The following WDHD1 variants were observed in gnomAD, a reference collection of about 807,000 sequenced individuals.
WDHD1 encodes the protein WD repeat and HMG-box DNA-binding protein 1.
WDHD1 carries 111 observed loss-of-function variants against 135.4 expected under a neutral mutation model. The ratio of observed to expected loss-of-function variants is 0.82; its 90% CI spans 0.70 to 0.96. WDHD1 has a LOEUF of 0.96. Ranked by LOEUF, WDHD1 falls within the 40% of genes least tolerant of loss-of-function variation. The probability of loss-of-function intolerance (pLI) is 0.00; values close to 1 mark genes in which losing one functional copy is unlikely to be tolerated. For missense variants in WDHD1, 1,351 were observed against 1,336.3 expected (o/e 1.01, Z -0.17); for synonymous variants, 434 against 439.0 (o/e 0.99, Z 0.14).
chr14:54,948,731 G>C (rs1366820215), intron 24 of WDHD1, among the ~76,000 whole-genome samples: 5 of 152,198 alleles, frequency 3.3e-5, no homozygotes, highest in Non-Finnish European at 7.3e-5. Flanking sequence ...TGATCCACAA[G>C]TAGCCTAACT....
At chr14:54,957,448 A>G in intron 22 of WDHD1, 144 bp downstream of exon 22, 11 of 854,884 alleles carry the variant, frequency 1.3e-5, no homozygotes, top group Non-Finnish European at 1.8e-5. Flanking sequence ...GACAACTCTC[A>G]GCCCAAGTGC....
intron 24 of WDHD1, among the ~76,000 whole-genome samples, chr14:54,949,586 C>T (rs892912613): frequency 2.0e-5 from 3 of 152,268 alleles, no homozygotes; most frequent in Middle Eastern, 3.4e-3. Flanking sequence ...CTGCAGGATA[C>T]TATCCAGGAG....
chr14:54,956,240 C>T (rs1443375196), intron 23 of WDHD1, among the ~76,000 whole-genome samples: 1 of 152,028 alleles, frequency 6.6e-6, no homozygotes, highest in Non-Finnish European at 1.5e-5. Flanking sequence ...TACGAATATA[C>T]ATCAGAACTA....
chr14:54,962,584 T>C (rs1566713434), intron 20 of WDHD1, 33 bp from the exon 21 acceptor site: 10 of 1,572,378 alleles, frequency 6.4e-6, no homozygotes, highest in Non-Finnish European at 7.8e-6. Flanking sequence ...ATAATGTAAA[T>C]GGGGAAAATA....
chr14:54,959,982 C>G (rs2041224694), intron 21 of WDHD1, among the ~76,000 whole-genome samples: 1 of 152,156 alleles, frequency 6.6e-6, no homozygotes, highest in Non-Finnish European at 1.5e-5. Flanking sequence ...CTTCAAGATT[C>G]AAATGTGCTT....
chr14:54,946,110 G>A (rs1316672747), intron 24 of WDHD1, among the ~76,000 whole-genome samples: 1 of 152,092 alleles, frequency 6.6e-6, no homozygotes, highest in Non-Finnish European at 1.5e-5. Flanking sequence ...AATTAATGAA[G>A]ACCCATTTTA....
intron 25 of WDHD1, among the ~76,000 whole-genome samples, chr14:54,942,404 T>C (rs2040854610): frequency 6.6e-6 from 1 of 152,168 alleles, no homozygotes; most frequent in Non-Finnish European, 1.5e-5. Context: ...TGCAAAACTA[T>C]AGCCCAACAA....
chr14:55,020,397 C>A (rs1247360495), intron 2 of WDHD1, among the ~76,000 whole-genome samples: 1 of 152,156 alleles, frequency 6.6e-6, no homozygotes, highest in Non-Finnish European at 1.5e-5. Context: ...ATTTCCTGTT[C>A]CTCAAACACT....
intron 6 of WDHD1, 51 bp downstream of exon 6, chr14:55,008,265 A>G (rs1275110387): frequency 1.9e-6 from 3 of 1,568,190 alleles, no homozygotes; most frequent in African/African-American, 1.4e-5. Flanking sequence ...ACATATAACA[A>G]TTTATTACAG....
chr14:54,957,473 T>G, intron 22 of WDHD1, 119 bp downstream of exon 22: 3 of 976,370 alleles, frequency 3.1e-6, no homozygotes, highest in Non-Finnish European at 4.5e-6. Context: ...TTCTTCTGTT[T>G]CCACACAGAT....
In WDHD1 at chr14:54,944,434, A is replaced by G. The variant is rs114259726; in HGVS notation, c.3087T>C (p.Asn1029=). The G allele has an allele frequency of 5.0e-3, 7,962 of 1,605,658 alleles. 40 individuals carry two copies. Among genetic ancestry groups the G allele is most frequent in the African/African-American group, 0.027 (2,014 of 74,404 alleles). The change falls in exon 25 of 26, where the codon AAT becomes AAC. Residue 1029 remains asparagine (N), a synonymous_variant. Transcript: ENST00000360586. ...GATTGTCAGACAAAATATTACTTCT[A>G]TTTTCTTCTAACCACATCTGGAACC... is the stretch of plus-strand genomic sequence containing the variant. ...KTGFQMWLEE[N]RSNILSDNPD...
chr14:54,970,304 T>C (rs2041410153), intron 16 of WDHD1, among the ~76,000 whole-genome samples: 1 of 152,126 alleles, frequency 6.6e-6, no homozygotes. Flanking sequence ...TAAAAGACTT[T>C]GGTAAAGTTT....
At position 54,979,238 on chromosome 14, in the gene WDHD1, A is replaced by G. The variant is rs551865183; in HGVS notation, c.2063+2302T>C. Among the ~76,000 whole-genome samples, 5 of 152,144 alleles carry G rather than the reference A, an allele frequency of 3.3e-5. No homozygotes were observed. In the East Asian group the frequency reaches 7.7e-4, roughly 23 times the overall value. On this transcript the variant is annotated intron_variant, in intron 16 of 25. Coordinates refer to ENST00000360586, the MANE Select transcript of WDHD1 (RefSeq NM_007086.4). Reference sequence around the variant, plus strand: ...GTGATCATGACTCACTGTAACCTCAACCTCCTGGGCTCAAGTGATCCTCCC... The same window carrying G: ...GTGATCATGACTCACTGTAACCTCAGCCTCCTGGGCTCAAGTGATCCTCCC...
At chr14:54,957,905 G>A (rs961527938) in intron 21 of WDHD1, among the ~76,000 whole-genome samples, 2 of 152,144 alleles carry the variant, frequency 1.3e-5, no homozygotes, top group African/African-American at 2.4e-5. Context: ...GTGGCAGCTC[G>A]TCTGAGCTAA....
chr14:55,008,090 T>C (rs992929784), intron 6 of WDHD1, among the ~76,000 whole-genome samples: 2 of 152,322 alleles, frequency 1.3e-5, no homozygotes, highest in African/African-American at 4.8e-5. Context: ...AAAAGTTAAA[T>C]ATAAGATTAT....
At position 55,008,357 on chromosome 14, in the gene WDHD1, T is replaced by C. The variant is rs755988473; in HGVS notation, c.463A>G (p.Ser155Gly). ...DPKDIFLASA[S>G]CDGSVRVWQI... The stretch of plus-strand genomic sequence containing the variant: ...CACACTCTGACAGATCCATCACAAC[T>C]AGCTGATGCCTGCAGGAATAAACAA... The change falls in exon 6 of 26, where the codon AGT becomes GGT. Residue 155 changes from serine (S) to glycine (G), a missense_variant. By Grantham distance (56) the Ser-to-Gly change is moderately conservative. Coordinates refer to ENST00000360586, the MANE Select transcript of WDHD1 (RefSeq NM_007086.4). The C allele has an allele frequency of 1.6e-5, 26 of 1,613,580 alleles. No homozygotes were observed. Among genetic ancestry groups the C allele is most frequent in the South Asian group, 7.7e-5 (7 of 91,004 alleles).
Position 54,962,730 on chromosome 14 carries a change from T to C in WDHD1, c.2647+8A>G. 6.2e-7 allele frequency: 1 copy of C among 1,613,082 alleles called. No individual in the cohort carries two copies. Among genetic ancestry groups the C allele is most frequent in the East Asian group, 2.2e-5 (1 of 44,864 alleles). The stretch of plus-strand genomic sequence containing the variant: ...CTCATGATTTATGGGCTTGAAAATG[T>C]ATCTCACCAGGCTTATGTATTTCTG... On this transcript the variant is annotated splice_region_variant and intron_variant, in intron 20 of 25. Transcript: ENST00000360586.
At chr14:55,000,375 T>C in intron 10 of WDHD1, 128 bp downstream of exon 10, 2 of 950,296 alleles carry the variant, frequency 2.1e-6, no homozygotes, top group Non-Finnish European at 2.8e-6. Context: ...TATAGATTAC[T>C]ACTCAGCATC....
At chr14:54,944,081 G>T (rs1288592876) in intron 25 of WDHD1, among the ~76,000 whole-genome samples, 1 of 151,648 alleles carries the variant, frequency 6.6e-6, no homozygotes, top group African/African-American at 2.4e-5. Context: ...ACAGAAAAAG[G>T]CTTTTCCTTT....
Sources: gnomAD v4.1 joint callset for allele counts (sites outside exome capture counted in the v4.1 genomes callset) on GRCh38, gnomAD v4.1.1 for gene constraint, MANE v1.5 for transcripts, NCBI Gene and HGNC (gene_info 2026-07-23, HGNC 2026-07-21) for gene names.